LMTK2: variants seen among roughly 807,000 people sequenced by gnomAD.
LMTK2 encodes lemur tail kinase 2.
A neutral mutation model predicts 127.5 loss-of-function variants in LMTK2; 37 were observed. The observed-to-expected ratio is 0.29, with a 90% CI of 0.22 to 0.38. The LOEUF (loss-of-function observed/expected upper bound fraction) is 0.38. Ranked by LOEUF, LMTK2 falls within the 10% of genes least tolerant of loss-of-function variation. The pLI is 1.00. For missense variants in LMTK2, 1,694 were observed against 1,920.3 expected (o/e 0.88, Z 2.20); for synonymous variants, 819 against 810.1 (o/e 1.01, Z -0.19).
intron 13 of LMTK2, among the ~76,000 whole-genome samples, chr7:98,204,855 T>G (rs1333798654): frequency 6.6e-6 from 1 of 152,238 alleles, no homozygotes; most frequent in Non-Finnish European, 1.5e-5. Context: ...AGAGAGAACC[T>G]GCTCTTCAGC....
Position 98,192,557 on chromosome 7 carries a change from C to G in LMTK2, c.2092C>G (p.Pro698Ala), listed in dbSNP as rs1382168097. The G allele has an allele frequency of 1.2e-6, 2 of 1,612,878 alleles. No individual in the cohort carries two copies. The highest frequency in any genetic ancestry group is 1.7e-6 in the Non-Finnish European group (2 of 1,179,656). The stretch of plus-strand genomic sequence containing the variant: ...GCCCCGTAAGATTTTTGACAGTGAG[C>G]CTCTCTGCCTATCAGATAATCTTAT... Reference protein sequence around the residue: ...EKPRKIFDSEPLCLSDNLMHQ... With the variant: ...EKPRKIFDSEALCLSDNLMHQ... Residue 698 changes from proline to alanine, a missense_variant, in exon 11 of 14, where the codon CCT becomes GCT. Coordinates refer to ENST00000297293, the MANE Select transcript of LMTK2 (RefSeq NM_014916.4).
intron 7 of LMTK2, among the ~76,000 whole-genome samples, chr7:98,176,762 G>T (rs1181505085): frequency 3.9e-5 from 6 of 152,100 alleles, no homozygotes; most frequent in African/African-American, 1.4e-4. Flanking sequence ...CAGGAGAATC[G>T]CTTGAACCCG....
intron 9 of LMTK2, among the ~76,000 whole-genome samples, chr7:98,187,921 T>C (rs1400297314): frequency 6.6e-6 from 1 of 152,186 alleles, no homozygotes; most frequent in African/African-American, 2.4e-5. Context: ...GATACCTATA[T>C]ACAGTGTGTG....
At chr7:98,107,970 T>G (rs1796141324) in intron 1 of LMTK2, among the ~76,000 whole-genome samples, 1 of 152,302 alleles carries the variant, frequency 6.6e-6, no homozygotes, top group Admixed American at 6.5e-5. Context: ...TCGTTTTTAT[T>G]TGGGGTTTAT....
At chr7:98,203,155 C>T (rs982990208) in intron 11 of LMTK2, among the ~76,000 whole-genome samples, 5 of 152,210 alleles carry the variant, frequency 3.3e-5, no homozygotes, top group African/African-American at 7.2e-5. Context: ...CAGAAGACCC[C>T]CTTCCTGCTC....
chr7:98,202,688 G>C (rs979159017), intron 11 of LMTK2, among the ~76,000 whole-genome samples: 1 of 152,072 alleles, frequency 6.6e-6, no homozygotes, highest in East Asian at 1.9e-4. Context: ...CCTGCCCCAC[G>C]TGTGTGCCCC....
chr7:98,169,264 C>T (rs1314492013), intron 6 of LMTK2, among the ~76,000 whole-genome samples: 1 of 152,206 alleles, frequency 6.6e-6, no homozygotes, highest in African/African-American at 2.4e-5. Flanking sequence ...CTGGAATGTA[C>T]TGATTTTATC....
Position 98,171,505 on chromosome 7 carries a change from G to C in LMTK2, c.658-36G>C, listed in dbSNP as rs1797190171. ...TTTAAGCGCTCACTTTATTCCTGTG[G>C]CTCGTTTGGAAACTCACACGGGCTG... On this transcript the variant is annotated intron_variant, in intron 6 of 13. Transcript: ENST00000297293. This position sits in a 1 kb window ranked among gnomAD's most constrained non-coding sequence, Gnocchi z 5.1. The C allele has an allele frequency of 6.2e-7, 1 of 1,613,642 alleles. No homozygotes were observed. The highest frequency in any genetic ancestry group is 1.3e-5 in the African/African-American group (1 of 74,932).
chr7:98,160,943 A>G (rs192496957), intron 6 of LMTK2, among the ~76,000 whole-genome samples: 1 of 152,300 alleles, frequency 6.6e-6, no homozygotes, highest in Admixed American at 6.5e-5. Flanking sequence ...TTGCCTGTCA[A>G]ATTATATTTC....
Position 98,194,414 on chromosome 7 carries a change from C to T in LMTK2, c.3949C>T (p.Pro1317Ser), listed in dbSNP as rs148786058. 8.1e-5 allele frequency: 130 copies of T among 1,614,160 alleles called. No homozygotes were observed. In the African/African-American group the frequency reaches 1.5e-3, roughly 19 times the overall value. Reference sequence around the variant, plus strand: ...CGAGTCGGAGGACGAGACCGAGCACCCCGTGCCCATCATCCTCAGCAACGA... The same window carrying T: ...CGAGTCGGAGGACGAGACCGAGCACTCCGTGCCCATCATCCTCAGCAACGA... ...SSESEDETEH[P>S]VPIILSNEDG... The change falls in exon 11 of 14, where the codon CCC (proline) becomes TCC (serine). Residue 1317 changes from proline (P) to serine (S), a missense_variant. Transcript: ENST00000297293. The surrounding 1 kb of genome is among the most constrained non-coding windows in gnomAD (Gnocchi z 5.4).
At chr7:98,172,188 G>C (rs537501492) in intron 7 of LMTK2, among the ~76,000 whole-genome samples, 18 of 152,330 alleles carry the variant, frequency 1.2e-4, no homozygotes, top group African/African-American at 3.6e-4. Context: ...GATCCGATCT[G>C]ATGAGGCCCC....
chr7:98,154,442 G>C (rs1000679508), intron 4 of LMTK2, among the ~76,000 whole-genome samples: 6 of 152,214 alleles, frequency 3.9e-5, no homozygotes, highest in African/African-American at 1.4e-4. Context: ...TAAAGTCATA[G>C]TGAATTTCCT....
At chr7:98,118,222 C>T (rs1303147304) in intron 1 of LMTK2, among the ~76,000 whole-genome samples, 5 of 152,132 alleles carry the variant, frequency 3.3e-5, no homozygotes, top group Non-Finnish European at 5.9e-5. Flanking sequence ...GTACTAACTG[C>T]ATTATAATGA....
Position 98,114,286 on chromosome 7 carries a change from G to T in LMTK2, c.103+7006G>T, listed in dbSNP as rs574793474. On this transcript the variant is annotated intron_variant, in intron 1 of 13. Coordinates refer to ENST00000297293, the MANE Select transcript of LMTK2 (RefSeq NM_014916.4). ...GACAGGGTCTTGTTCTGTCACTCAG[G>T]CTGGAATGCAGTGGTGCAGTCATAT... Among the ~76,000 whole-genome samples, 7 of 150,474 alleles carry T rather than the reference G, an allele frequency of 4.7e-5. 1 individual carries two copies. In the South Asian group the frequency reaches 1.5e-3, roughly 32 times the overall value.
intron 6 of LMTK2, among the ~76,000 whole-genome samples, chr7:98,167,329 G>A (rs989143932): frequency 1.3e-5 from 2 of 152,214 alleles, no homozygotes; most frequent in Admixed American, 6.5e-5. Context: ...CTTTCTAGTG[G>A]TAGAGACAGA....
At chr7:98,165,738 C>G (rs182002951) in intron 6 of LMTK2, among the ~76,000 whole-genome samples, 21 of 152,156 alleles carry the variant, frequency 1.4e-4, no homozygotes, top group African/African-American at 5.1e-4. Flanking sequence ...GCCCCATGCA[C>G]CAGGGCACCT....
At position 98,148,356 on chromosome 7, in the gene LMTK2, G is replaced by C. The variant is rs568405064; in HGVS notation, c.377-3026G>C. Among the ~76,000 whole-genome samples, 16 of 152,044 alleles carry C rather than the reference G, an allele frequency of 1.1e-4. No homozygotes were observed. In the South Asian group the frequency reaches 2.5e-3, roughly 24 times the overall value. On this transcript the variant is annotated intron_variant, in intron 3 of 13. Coordinates refer to ENST00000297293, the MANE Select transcript of LMTK2 (RefSeq NM_014916.4). ...AATACAAAAAAAGTTAGCCGGGCAT[G>C]GTGGCGCTTGCCTGTAGTCCCAGCT...
intron 9 of LMTK2, among the ~76,000 whole-genome samples, chr7:98,189,381 G>A (rs1478854582): frequency 6.6e-6 from 1 of 152,150 alleles, no homozygotes; most frequent in Non-Finnish European, 1.5e-5. Flanking sequence ...ATGGGCTCTG[G>A]TGCTCTCCTT....
chr7:98,154,515 TAGAA>T (rs1296329863), intron 4 of LMTK2, among the ~76,000 whole-genome samples: 1 of 152,202 alleles, frequency 6.6e-6, no homozygotes, highest in Admixed American at 6.5e-5. Context: ...TTAAAATAAA[TAGAA>T]AAGAAATATG....
Sources: allele counts gnomAD v4.1 joint callset (sites outside exome capture counted in the v4.1 genomes callset), GRCh38; gene constraint gnomAD v4.1.1; non-coding constraint Gnocchi (gnomAD v3.1); transcripts MANE v1.5; gene names NCBI Gene and HGNC (gene_info 2026-07-23, HGNC 2026-07-21).